SYNE1: variants seen among roughly 807,000 people sequenced by gnomAD.
SYNE1 encodes the protein spectrin repeat containing nuclear envelope protein 1, also known as nesprin-1.
In SYNE1, 616 loss-of-function variants were observed where a neutral mutation model predicts 1,111.0. The ratio of observed to expected loss-of-function variants is 0.55; its 90% CI spans 0.52 to 0.59. SYNE1 has a LOEUF of 0.59. Among genes scored for constraint, SYNE1 ranks in the 20% least tolerant of loss-of-function variants. The pLI, the probability that SYNE1 is intolerant of heterozygous loss-of-function variation, is 0.00. For missense variants in SYNE1, 10,006 were observed against 10,417.0 expected (o/e 0.96, Z 1.72); for synonymous variants, 3,855 against 3,825.8 (o/e 1.01, Z -0.28).
rs2083601670 is a variant in SYNE1 at position 152,234,761 on chromosome 6, T to C, written c.20436A>G (p.Gln6812=). Residue 6812 remains glutamine (Q), a synonymous_variant, in exon 111 of 146, where the codon CAA becomes CAG. Transcript: ENST00000367255. ...SESADLIHWL[Q]SAKDRLEFWT... ...AAAATTCTAGCCGGTCTTTTGCAGA[T>C]TGTAACCAGTGAATTAGATCTGCAG... 3.7e-6 allele frequency: 6 copies of C among 1,614,078 alleles called. No individual in the cohort carries two copies. The highest frequency in any genetic ancestry group is 5.1e-6 in the Non-Finnish European group (6 of 1,180,028).
chr6:152,242,140 T>G (rs1743523315), intron 107 of SYNE1, 100 bp downstream of exon 107: 1 of 1,205,080 alleles, frequency 8.3e-7, no homozygotes, highest in South Asian at 1.3e-5. Flanking sequence ...TAAGAACTCA[T>G]AAAAGACTGA....
chr6:152,325,831 T>G, intron 80 of SYNE1, 127 bp downstream of exon 80: 1 of 1,151,040 alleles, frequency 8.7e-7, no homozygotes, highest in Non-Finnish European at 1.2e-6. Flanking sequence ...TTCTATAAAA[T>G]GTTGTTAAAT....
chr6:152,323,627 C>A lies in SYNE1; in HGVS notation c.15768G>T (p.Thr5256=), dbSNP rs1391972397. Reference sequence around the variant, plus strand: ...GCTGCTGCTCCAGCTCCAGAACGAACGTGTCGTGGTATTCAAGAAGAGTTA... The same window carrying A: ...GCTGCTGCTCCAGCTCCAGAACGAAAGTGTCGTGGTATTCAAGAAGAGTTA... ...ELLTLLEYHD[T]FVLELEQQQS... Residue 5256 remains threonine, a synonymous_variant, in exon 82 of 146, where the codon ACG becomes ACT. Coordinates refer to ENST00000367255, the MANE Select transcript of SYNE1 (RefSeq NM_182961.4). 2 of 1,614,118 alleles carry A rather than the reference C, an allele frequency of 1.2e-6. No homozygotes were observed. Among genetic ancestry groups the A allele is most frequent in the African/African-American group, 2.7e-5 (2 of 74,948 alleles).
Position 152,130,848 on chromosome 6 carries a change from T to C in SYNE1, c.26095-70A>G. The C allele has an allele frequency of 2.6e-6, 4 of 1,522,946 alleles. No individual in the cohort carries two copies. In the South Asian group the frequency reaches 4.6e-5, roughly 17 times the overall value. The allele number at this position is 1,522,946 out of a possible 1,614,324, so 94.3% of individuals were successfully genotyped here. On this transcript the variant is annotated intron_variant, in intron 144 of 145. Transcript: ENST00000367255. ...CAGGCAAATAAAGACAAGCTACTAA[T>C]GAAAATTAAACTAAAAGTGCAGCAA...
intron 91 of SYNE1, among the ~76,000 whole-genome samples, chr6:152,302,441 G>C (rs73783825): frequency 1.1e-3 from 166 of 152,322 alleles, no homozygotes; most frequent in African/African-American, 3.9e-3. Flanking sequence ...GATGGTTCCT[G>C]CCATGGAAAT....
chr6:152,603,022 G>C (rs1191970673), intron 3 of SYNE1, among the ~76,000 whole-genome samples: 1 of 152,192 alleles, frequency 6.6e-6, no homozygotes, highest in Admixed American at 6.5e-5. Flanking sequence ...CCAGGGTGGA[G>C]AAGCAGCACC....
chr6:152,151,522 C>G, intron 135 of SYNE1, 31 bp downstream of exon 135: 7 of 1,612,826 alleles, frequency 4.3e-6, no homozygotes, highest in Non-Finnish European at 5.1e-6. Flanking sequence ...AGGCTTTCTT[C>G]ACTTTGGTAA....
chr6:152,416,922 G>A lies in SYNE1; in HGVS notation c.5515C>T (p.Leu1839Phe), dbSNP rs746812274. 1.2e-6 allele frequency: 2 copies of A among 1,614,134 alleles called. No individual in the cohort carries two copies. Among genetic ancestry groups the A allele is most frequent in the Middle Eastern group, 1.6e-4 (1 of 6,062 alleles). The part of the protein sequence containing the change: ...KLGSLGRAED[L>F]HLLQGKAEDC... ...TCAGCCTTTCCCTGCAGGAGGTGGA[G>A]GTCCTCAGCACGGCCCAGAGAACCC... Residue 1839 changes from leucine (L) to phenylalanine (F), a missense_variant, in exon 41 of 146, where the codon CTC becomes TTC. By Grantham distance (22) the Leu-to-Phe change is conservative. Transcript: ENST00000367255.
At chr6:152,222,788 A>G (rs756147795) in intron 117 of SYNE1, among the ~76,000 whole-genome samples, 1 of 152,232 alleles carries the variant, frequency 6.6e-6, no homozygotes, top group Non-Finnish European at 1.5e-5. Context: ...TCAGCTACAC[A>G]GGAGGGATAA....
chr6:152,179,673 C>CTTTTTTTTTTTTTTTTTTTTTTTTTT lies in SYNE1; in HGVS notation c.23460+437_23460+462dup, dbSNP rs796260764. On this transcript the variant is annotated intron_variant, in intron 129 of 145. Coordinates refer to ENST00000367255, the MANE Select transcript of SYNE1 (RefSeq NM_182961.4). Reference sequence around the variant, plus strand: ...GCAAGTTTATTTTATGCTGGATATCCTTTTTTTTTTTTTTTTTTTTTTTTT... The same window carrying CTTTTTTTTTTTTTTTTTTTTTTTTTT: ...GCAAGTTTATTTTATGCTGGATATCCTTTTTTTTTTTTTTTTTTTTTTTTTTTTTTTTTTTTTTTTTTTTTTTTTTT... Among the ~76,000 whole-genome samples the CTTTTTTTTTTTTTTTTTTTTTTTTTT allele has an allele frequency of 1.3e-4, 7 of 55,104 alleles. 1 individual carries two copies. The highest frequency in any genetic ancestry group is 6.9e-4 in the East Asian group (1 of 1,450). The allele number at this position is 55,104 out of a possible 152,430, so 36.2% of individuals were successfully genotyped here.
chr6:152,226,946 T>C (rs2081722186), intron 115 of SYNE1, among the ~76,000 whole-genome samples: 1 of 152,232 alleles, frequency 6.6e-6, no homozygotes, highest in South Asian at 2.1e-4. Flanking sequence ...TTTGTAGTTC[T>C]TGGAGATTCG....
chr6:152,486,979 G>C (rs1271765396), intron 12 of SYNE1, among the ~76,000 whole-genome samples: 1 of 152,128 alleles, frequency 6.6e-6, no homozygotes, highest in Non-Finnish European at 1.5e-5. Flanking sequence ...CACTAAAAGG[G>C]ACTGATGTTT....
intron 105 of SYNE1, among the ~76,000 whole-genome samples, chr6:152,247,750 T>TATATACACACACACACAC (rs1432898834): frequency 8.9e-6 from 1 of 112,376 alleles, no homozygotes. Flanking sequence ...TATATATATA[T>TATATACACACACACACAC]ACACACACAC....
Position 152,255,763 on chromosome 6 carries a change from A to C in SYNE1, c.19105-17T>G. 6.2e-7 allele frequency: 1 copy of C among 1,614,092 alleles called. No homozygotes were observed. The highest frequency in any genetic ancestry group is 1.1e-5 in the South Asian group (1 of 91,088). On this transcript the variant is annotated splice_polypyrimidine_tract_variant and intron_variant, in intron 102 of 145. Coordinates refer to ENST00000367255, the MANE Select transcript of SYNE1 (RefSeq NM_182961.4). ...CCCTCCACTCTGGGAAACACAAAACAGGGTCAAATAATCAATTTCAGTGTT... is the reference window on the plus strand; with the variant it reads ...CCCTCCACTCTGGGAAACACAAAACCGGGTCAAATAATCAATTTCAGTGTT...
intron 3 of SYNE1, among the ~76,000 whole-genome samples, chr6:152,544,095 G>A (rs188209878): frequency 6.6e-6 from 1 of 152,304 alleles, no homozygotes; most frequent in East Asian, 1.9e-4. Flanking sequence ...TCTGTCCTCA[G>A]CTTTTCTGCT....
intron 41 of SYNE1, among the ~76,000 whole-genome samples, chr6:152,414,112 G>A (rs1262775353): frequency 6.6e-6 from 1 of 151,612 alleles, no homozygotes; most frequent in East Asian, 1.9e-4. Context: ...TTTATAAAAA[G>A]TGGCCATATC....
At chr6:152,551,728 T>C (rs1475039449) in intron 3 of SYNE1, among the ~76,000 whole-genome samples, 1 of 152,152 alleles carries the variant, frequency 6.6e-6, no homozygotes. Context: ...AAGGAGAAAA[T>C]GCTGCCTTCA....
intron 98 of SYNE1, among the ~76,000 whole-genome samples, chr6:152,274,625 T>A (rs906322199): frequency 3.3e-5 from 5 of 152,178 alleles, no homozygotes; most frequent in African/African-American, 9.7e-5. Flanking sequence ...AGATGGAGTT[T>A]CACTCCTGTT....
At chr6:152,403,822 C>T (rs1342380543) in intron 46 of SYNE1, among the ~76,000 whole-genome samples, 1 of 152,010 alleles carries the variant, frequency 6.6e-6, no homozygotes, top group Non-Finnish European at 1.5e-5. Flanking sequence ...GGCTGAAATG[C>T]TTCCGAAATT....
Sources: gnomAD v4.1 joint callset for allele counts (sites outside exome capture counted in the v4.1 genomes callset) on GRCh38, gnomAD v4.1.1 for gene constraint, MANE v1.5 for transcripts, NCBI Gene and HGNC (gene_info 2026-07-23, HGNC 2026-07-21) for gene names.